Variants in POU2F1 observed in about 807,000 individuals in gnomAD.
POU2F1 encodes the protein POU class 2 homeobox 1, also known as POU domain, class 2, transcription factor 1.
A neutral mutation model predicts 84.9 loss-of-function variants in POU2F1; 16 were observed. The ratio of observed to expected loss-of-function variants is 0.19; its 90% confidence interval spans 0.13 to 0.29. The LOEUF is 0.29. POU2F1 is among the 10% of genes least tolerant of loss of function. The pLI, the probability that POU2F1 is intolerant of heterozygous loss-of-function variation, is 1.00. For missense variants in POU2F1, 738 were observed against 942.6 expected (o/e 0.78, Z 2.84); for synonymous variants, 368 against 368.3 (o/e 1.00, Z 0.01).
intron 1 of POU2F1, among the ~76,000 whole-genome samples, chr1:167,250,181 C>T (rs539552986): frequency 7.9e-5 from 12 of 151,172 alleles, no homozygotes; most frequent in South Asian, 6.3e-4. Flanking sequence ...ATTTTCCTTC[C>T]GGAAAATAGA....
chr1:167,352,885 G>C (rs957945994), intron 2 of POU2F1, among the ~76,000 whole-genome samples: 2 of 152,200 alleles, frequency 1.3e-5, no homozygotes, highest in Non-Finnish European at 2.9e-5. Flanking sequence ...AGAAGGTATA[G>C]ATTATTGCTT....
intron 1 of POU2F1, among the ~76,000 whole-genome samples, chr1:167,315,593 TAGTG>T (rs1655828116): frequency 6.6e-6 from 1 of 152,084 alleles, no homozygotes; most frequent in African/African-American, 2.4e-5. Flanking sequence ...TTGAGCAACA[TAGTG>T]AGGACTTGTC....
rs1650003058 is a variant in POU2F1, at chr1:167,412,069, T to G, written c.1666T>G (p.Ser556Ala). 1.2e-6 allele frequency: 2 copies of G among 1,614,160 alleles called. No individual in the cohort carries two copies. The stretch of plus-strand genomic sequence containing the variant: ...GAGTCCCTCCCCTTCTGCCTCAGCC[T>G]CCACCTCCGAGGCATCCAGTGCCAG... ...SLSPSPSASA[S>A]TSEASSASET... The change falls in exon 14 of 16, where the codon TCC (serine) becomes GCC (alanine). Residue 556 changes from serine (S) to alanine (A), a missense_variant. Ser to Ala is a moderately conservative substitution (Grantham distance 99). This residue lies in a region of POU2F1 where 319 missense variants were observed against 386.0 expected (regional missense o/e 0.83). Coordinates refer to ENST00000367866, the MANE Select transcript of POU2F1 (RefSeq NM_002697.4).
intron 1 of POU2F1, among the ~76,000 whole-genome samples, chr1:167,252,625 A>G (rs1650815170): frequency 6.6e-6 from 1 of 152,210 alleles, no homozygotes; most frequent in Admixed American, 6.5e-5. Flanking sequence ...CTGAATAATT[A>G]TATAGTTAAG....
chr1:167,378,552 G>A lies in POU2F1; in HGVS notation c.718+2397G>A, dbSNP rs1023886194. Among the ~76,000 whole-genome samples, 31 of 151,256 alleles carry A rather than the reference G, an allele frequency of 2.0e-4. 1 individual carries two copies. The highest frequency in any genetic ancestry group is 1.3e-3 in the Admixed American group (20 of 15,204). ...CTCCTGAGTAGCTGGGATTATAGGCGCCCGCCACTATGCTGGGCTAATTTT... is the reference window on the plus strand; with the variant it reads ...CTCCTGAGTAGCTGGGATTATAGGCACCCGCCACTATGCTGGGCTAATTTT... On this transcript the variant is annotated intron_variant, in intron 7 of 15. Transcript: ENST00000367866.
chr1:167,371,385 A>C (rs996469985), intron 4 of POU2F1, among the ~76,000 whole-genome samples: 4 of 152,118 alleles, frequency 2.6e-5, no homozygotes, highest in African/African-American at 9.7e-5. Flanking sequence ...ATTACCGTAA[A>C]ATTTTCTCTT....
At chr1:167,344,028 C>T (rs1463455266) in intron 2 of POU2F1, among the ~76,000 whole-genome samples, 1 of 151,964 alleles carries the variant, frequency 6.6e-6, no homozygotes, top group Non-Finnish European at 1.5e-5. Flanking sequence ...GAGCCCATGC[C>T]TTTGTTGTCG....
intron 8 of POU2F1, chr1:167,387,359 G>A (rs987396372): frequency 2.6e-5 from 10 of 390,444 alleles, no homozygotes; most frequent in African/African-American, 1.7e-4. Context: ...AACCAGTTTC[G>A]CTGTGAGAAA....
chr1:167,231,043 G>A (rs1649029530), intron 1 of POU2F1, among the ~76,000 whole-genome samples: 2 of 152,202 alleles, frequency 1.3e-5, no homozygotes, highest in African/African-American at 4.8e-5. Flanking sequence ...TTGAATAATG[G>A]TTTTCAGTTA....
chr1:167,399,358 C>G lies in POU2F1; in HGVS notation c.1442C>G (p.Thr481Ser), dbSNP rs1311104590. The stretch of plus-strand genomic sequence containing the variant: ...ATTAAAGCAATTTTCCCCAGCCCAA[C>G]TTCACTGGTAAGAATAAAAAATAGG... ...SPIKAIFPSP[T>S]SLVATTPSLV... Residue 481 changes from threonine (T) to serine (S), a missense_variant, in exon 12 of 16, where the codon ACT becomes AGT. Around this residue, in one of 4 missense-constraint regions of POU2F1, gnomAD observed 319 missense variants for 386.0 expected, o/e 0.83. Coordinates refer to ENST00000367866, the MANE Select transcript of POU2F1 (RefSeq NM_002697.4). 1 of 1,611,656 alleles carries G rather than the reference C, an allele frequency of 6.2e-7. No individual in the cohort carries two copies. Among genetic ancestry groups the G allele is most frequent in the South Asian group, 1.1e-5 (1 of 90,574 alleles).
At chr1:167,295,640 A>C (rs749635988) in intron 1 of POU2F1, among the ~76,000 whole-genome samples, 4 of 152,252 alleles carry the variant, frequency 2.6e-5, no homozygotes, top group Non-Finnish European at 4.4e-5. Context: ...ATGTAACCAA[A>C]GCTATTGAAA....
intron 1 of POU2F1, among the ~76,000 whole-genome samples, chr1:167,274,714 G>A (rs994973554): frequency 6.6e-6 from 1 of 152,156 alleles, no homozygotes; most frequent in African/African-American, 2.4e-5. Context: ...AGGGTTGGGA[G>A]TTAAAATAGT....
At chr1:167,233,281 C>T (rs1001399125) in intron 1 of POU2F1, among the ~76,000 whole-genome samples, 5 of 151,374 alleles carry the variant, frequency 3.3e-5, no homozygotes, top group East Asian at 1.9e-4. Context: ...GTACCACAGG[C>T]GCACGCACCC....
intron 1 of POU2F1, among the ~76,000 whole-genome samples, chr1:167,294,103 C>T (rs1571243129): frequency 7.1e-6 from 1 of 141,676 alleles, no homozygotes; most frequent in African/African-American, 2.6e-5. Context: ...GAGGCCGAGG[C>T]GGGCGGATCA....
intron 1 of POU2F1, among the ~76,000 whole-genome samples, chr1:167,326,461 GT>G (rs1038589264): frequency 1.3e-5 from 2 of 152,184 alleles, no homozygotes; most frequent in African/African-American, 4.8e-5. Context: ...GCAAGAGACG[GT>G]GACAGTCCCT....
chr1:167,293,541 T>G (rs902983003), intron 1 of POU2F1, among the ~76,000 whole-genome samples: 5 of 152,230 alleles, frequency 3.3e-5, no homozygotes, highest in Middle Eastern at 6.8e-3. Context: ...TTGTGCCAGT[T>G]GACAGATTCA....
At chr1:167,387,661 G>A (rs1233532436) in intron 8 of POU2F1, among the ~76,000 whole-genome samples, 1 of 152,206 alleles carries the variant, frequency 6.6e-6, no homozygotes, top group Non-Finnish European at 1.5e-5. Context: ...GACTTTATCT[G>A]TAATTCTGGT....
chr1:167,239,370 A>G (rs886269076), intron 1 of POU2F1, among the ~76,000 whole-genome samples: 14 of 152,258 alleles, frequency 9.2e-5, no homozygotes, highest in Non-Finnish European at 1.5e-5. Context: ...ACTCCTAGTT[A>G]TAATAAATAC....
chr1:167,421,392 A>G lies in POU2F1; in HGVS notation c.*5582A>G, dbSNP rs992994736. 1.3e-5 allele frequency: 2 copies of G among 152,250 alleles called. No homozygotes were observed. The highest frequency in any genetic ancestry group is 4.8e-5 in the African/African-American group (2 of 41,478). The allele number at this position is 152,250 out of a possible 1,614,324, so 9.4% of individuals were successfully genotyped here. A position where few individuals can be genotyped will look rare whatever the true frequency, so the allele number is the denominator to read the frequency against. ...TAAATAGGACACCCCTGAGATTTCC[A>G]GTAAGGTATTTGAAAGGATTCCACT... On this transcript the variant is annotated 3_prime_UTR_variant, in exon 16 of 16. Coordinates refer to ENST00000367866, the MANE Select transcript of POU2F1 (RefSeq NM_002697.4).
Sources: gnomAD v4.1 joint callset for allele counts (sites outside exome capture counted in the v4.1 genomes callset) on GRCh38, gnomAD v4.1.1 for gene constraint, gnomAD v4.1.1 regional missense constraint, MANE v1.5 for transcripts, NCBI Gene and HGNC (gene_info 2026-07-23, HGNC 2026-07-21) for gene names.